The following PLCXD3 variants were observed in gnomAD, a reference collection of about 807,000 sequenced individuals.
PLCXD3 encodes PI-PLC X domain-containing protein 3.
PLCXD3 carries 19 observed loss-of-function variants against 25.5 expected under a neutral mutation model. The observed-to-expected ratio is 0.75, with a 90% CI of 0.52 to 1.09. The LOEUF (loss-of-function observed/expected upper bound fraction) is 1.09. Among genes scored for constraint, PLCXD3 ranks in the 50% least tolerant of loss-of-function variants. The pLI, the probability that PLCXD3 is intolerant of heterozygous loss-of-function variation, is 0.00. For missense variants in PLCXD3, 411 were observed against 388.1 expected (o/e 1.06, Z -0.50); for synonymous variants, 174 against 137.6 (o/e 1.26, Z -1.85).
chr5:41,384,138 T>A (rs372146763), intron 1 of PLCXD3, among the ~76,000 whole-genome samples: 3 of 152,140 alleles, frequency 2.0e-5, no homozygotes, highest in African/African-American at 7.2e-5. Context: ...AGAAATGCCA[T>A]GTTTAATTTA....
At chr5:41,344,643 C>T (rs1405577126) in intron 2 of PLCXD3, among the ~76,000 whole-genome samples, 1 of 151,874 alleles carries the variant, frequency 6.6e-6, no homozygotes, top group Non-Finnish European at 1.5e-5. Flanking sequence ...AACAGAAGAT[C>T]ATTTATGGAC....
At chr5:41,424,995 T>C (rs1306545136) in intron 1 of PLCXD3, among the ~76,000 whole-genome samples, 3 of 152,218 alleles carry the variant, frequency 2.0e-5, no homozygotes, top group Non-Finnish European at 4.4e-5. Flanking sequence ...GTGGATTTAG[T>C]TATTAAAATG....
Position 41,309,032 on chromosome 5 carries a change from A to G in PLCXD3, c.*4585T>C, listed in dbSNP as rs1743063450. 13 of 152,604 alleles carry G rather than the reference A, an allele frequency of 8.5e-5. No individual in the cohort carries two copies. Among genetic ancestry groups the G allele is most frequent in the Admixed American group, 8.5e-4 (13 of 15,262 alleles). The allele number at this position is 152,604 out of a possible 1,614,324, so 9.5% of individuals were successfully genotyped here. A position where few individuals can be genotyped will look rare whatever the true frequency, so the allele number is the denominator to read the frequency against. On this transcript the variant is annotated 3_prime_UTR_variant, in exon 3 of 3. Transcript: ENST00000377801. ...TTTAAATCCAAATTGCAAAAACAAC[A>G]AAAAAGTGTTAATAAATTAAGGCTG...
At chr5:41,339,388 G>A (rs1421036973) in intron 2 of PLCXD3, among the ~76,000 whole-genome samples, 3 of 152,092 alleles carry the variant, frequency 2.0e-5, no homozygotes, top group Non-Finnish European at 4.4e-5. Context: ...ATAGCCATCT[G>A]AGTAAGTCTC....
At position 41,493,270 on chromosome 5, in the gene PLCXD3, C is replaced by T. The variant is rs181967339; in HGVS notation, c.103+17154G>A. On this transcript the variant is annotated intron_variant, in intron 1 of 2. Transcript: ENST00000377801. ...AGATTTTCATGAACCGCGAATGCTG[C>T]TGTCTGATCGTTCCTCTGGGAGTTT... Among the ~76,000 whole-genome samples, 348 of 152,316 alleles carry T rather than the reference C, an allele frequency of 2.3e-3. 2 individuals are homozygous for T. The highest frequency in any genetic ancestry group is 2.9e-3 in the Non-Finnish European group (194 of 68,028).
intron 2 of PLCXD3, among the ~76,000 whole-genome samples, chr5:41,375,270 C>G (rs1745256414): frequency 6.6e-6 from 1 of 152,112 alleles, no homozygotes; most frequent in South Asian, 2.1e-4. Flanking sequence ...GGCAAGGCCC[C>G]AGGGCACCAT....
intron 2 of PLCXD3, among the ~76,000 whole-genome samples, chr5:41,314,619 G>A (rs1743234269): frequency 6.6e-6 from 1 of 152,178 alleles, no homozygotes. Context: ...GGAGACAAGG[G>A]AGTTAGTCAT....
At chr5:41,344,949 C>G (rs1425726977) in intron 2 of PLCXD3, among the ~76,000 whole-genome samples, 1 of 152,028 alleles carries the variant, frequency 6.6e-6, no homozygotes, top group African/African-American at 2.4e-5. Flanking sequence ...AACTCATAAT[C>G]TAGAGGTAGG....
At chr5:41,383,857 A>AT (rs5867551) in intron 1 of PLCXD3, among the ~76,000 whole-genome samples, 102,603 of 151,556 alleles carry the variant, frequency 0.68, 35,621 homozygotes, top group Middle Eastern at 0.84. Context: ...TATTTGAAGC[A>AT]TTTTTTTCAG....
Position 41,438,358 on chromosome 5 carries a change from C to A in PLCXD3, c.104-55824G>T, listed in dbSNP as rs575358775. Among the ~76,000 whole-genome samples, 4 of 152,246 alleles carry A rather than the reference C, an allele frequency of 2.6e-5. No individual in the cohort carries two copies. The East Asian group carries it at 7.7e-4, about 29-fold the overall frequency. On this transcript the variant is annotated intron_variant, in intron 1 of 2. Coordinates refer to ENST00000377801, the MANE Select transcript of PLCXD3 (RefSeq NM_001005473.3). ...CCCCTGCGAAACCCCACTTTCAAGC[C>A]TAAAATAGCCTGAAGTCTGAAAAAC...
chr5:41,460,774 T>A (rs1445175708), intron 1 of PLCXD3, among the ~76,000 whole-genome samples: 1 of 152,034 alleles, frequency 6.6e-6, no homozygotes, highest in East Asian at 1.9e-4. Context: ...TGGCTTACAG[T>A]TTACATTCTG....
intron 2 of PLCXD3, among the ~76,000 whole-genome samples, chr5:41,315,794 T>C (rs1195675488): frequency 1.3e-5 from 2 of 152,152 alleles, no homozygotes; most frequent in Non-Finnish European, 2.9e-5. Flanking sequence ...GCTGTCCTGC[T>C]AGAGCAGAAA....
intron 2 of PLCXD3, among the ~76,000 whole-genome samples, chr5:41,318,352 C>T (rs776890392): frequency 1.3e-5 from 2 of 152,036 alleles, no homozygotes; most frequent in African/African-American, 2.4e-5. Flanking sequence ...AAAGACTAAA[C>T]AATGAACCAA....
At chr5:41,429,571 T>A (rs911019271) in intron 1 of PLCXD3, among the ~76,000 whole-genome samples, 1 of 152,122 alleles carries the variant, frequency 6.6e-6, no homozygotes, top group Non-Finnish European at 1.5e-5. Context: ...GTCACTGAAT[T>A]CATGTTCAAA....
chr5:41,452,372 A>G (rs1457814818), intron 1 of PLCXD3, among the ~76,000 whole-genome samples: 3 of 152,038 alleles, frequency 2.0e-5, no homozygotes, highest in African/African-American at 7.2e-5. Flanking sequence ...AATGTTTCAA[A>G]AGGAATGTTT....
chr5:41,495,307 C>T (rs1000790485), intron 1 of PLCXD3, among the ~76,000 whole-genome samples: 2 of 152,194 alleles, frequency 1.3e-5, no homozygotes, highest in Non-Finnish European at 2.9e-5. Context: ...CCAGAGTATT[C>T]TAAATGTCTG....
chr5:41,403,399 TTG>T lies in PLCXD3; in HGVS notation c.104-20867_104-20866del, dbSNP rs1554047947. On this transcript the variant is annotated intron_variant, in intron 1 of 2. Coordinates refer to ENST00000377801, the MANE Select transcript of PLCXD3 (RefSeq NM_001005473.3). ...CCATTTACCCAGATTGACTTATTTG[TTG>T]TTTTTTTTTTTTTTTATTATACTCT... 9.8e-4 allele frequency among the ~76,000 whole-genome samples: 29 copies of T among 29,486 alleles called. 1 individual carries two copies. The highest frequency in any genetic ancestry group is 2.1e-3 in the Admixed American group (8 of 3,722). 19.3% of individuals were successfully genotyped at this position (29,486 alleles called of 152,430 possible).
intron 2 of PLCXD3, among the ~76,000 whole-genome samples, chr5:41,356,329 A>T (rs1159251629): frequency 6.6e-6 from 1 of 152,178 alleles, no homozygotes; most frequent in Admixed American, 6.5e-5. Flanking sequence ...AACTACAATG[A>T]TAACTGTTAC....
At chr5:41,470,553 A>C (rs1302383911) in intron 1 of PLCXD3, among the ~76,000 whole-genome samples, 1 of 152,148 alleles carries the variant, frequency 6.6e-6, no homozygotes, top group Non-Finnish European at 1.5e-5. Flanking sequence ...AGGAGAACTA[A>C]GGTTTTCCTA....
Sources: gnomAD v4.1 joint callset for allele counts (sites outside exome capture counted in the v4.1 genomes callset) on GRCh38, gnomAD v4.1.1 for gene constraint, MANE v1.5 for transcripts, NCBI Gene and HGNC (gene_info 2026-07-23, HGNC 2026-07-21) for gene names.